Variants in NXPH1 observed in about 807,000 individuals in gnomAD.
NXPH1 encodes the protein neurexophilin 1, also known as neurexophilin-1.
In NXPH1, 5 loss-of-function variants were observed where a neutral mutation model predicts 23.7. The observed-to-expected ratio is 0.21, with a 90% CI of 0.11 to 0.44. The LOEUF (loss-of-function observed/expected upper bound fraction) is 0.44. Among genes scored for constraint, NXPH1 ranks in the 20% least tolerant of loss-of-function variants. The probability of loss-of-function intolerance (pLI) is 0.99; values close to 1 mark genes in which losing one functional copy is unlikely to be tolerated. For synonymous variants in NXPH1, 144 were observed against 122.2 expected, an observed-to-expected ratio of 1.18 and a Z score of -1.18; for missense variants, 324 against 321.6, an observed-to-expected ratio of 1.01 and a Z score of -0.06.
chr7:8,657,005 C>T (rs550182756), intron 2 of NXPH1, among the ~76,000 whole-genome samples: 16 of 152,224 alleles, frequency 1.1e-4, no homozygotes, highest in Non-Finnish European at 1.8e-4. Flanking sequence ...GAGTAAGATT[C>T]GAGTTTCCAC....
intron 2 of NXPH1, among the ~76,000 whole-genome samples, chr7:8,730,496 G>C (rs1780132777): frequency 6.6e-6 from 1 of 152,032 alleles, no homozygotes; most frequent in Non-Finnish European, 1.5e-5. Context: ...TCCTTTCCAT[G>C]TTTAGCACTT....
intron 2 of NXPH1, among the ~76,000 whole-genome samples, chr7:8,489,548 C>G (rs142978394): frequency 6.6e-6 from 1 of 152,040 alleles, no homozygotes; most frequent in Non-Finnish European, 1.5e-5. Flanking sequence ...TACTATTAAA[C>G]GGTTGATTCA....
At position 8,465,843 on chromosome 7, in the gene NXPH1, G is replaced by C. The variant is rs868121676; in HGVS notation, c.54+30076G>C. On this transcript the variant is annotated intron_variant, in intron 2 of 2. Coordinates refer to ENST00000405863, the MANE Select transcript of NXPH1 (RefSeq NM_152745.3). ...TTACAGTAGCCCCCTGAACAGAAGT[G>C]ATGGTGTTGGCATGCTACTAACTAA... Among the ~76,000 whole-genome samples the C allele has an allele frequency of 2.0e-5, 3 of 152,336 alleles. No individual in the cohort carries two copies. In the South Asian group the frequency reaches 6.2e-4, roughly 32 times the overall value.
intron 2 of NXPH1, among the ~76,000 whole-genome samples, chr7:8,627,127 C>T (rs964684826): frequency 6.6e-6 from 1 of 152,092 alleles, no homozygotes; most frequent in Admixed American, 6.6e-5. Context: ...GGCTAATATA[C>T]ATTTAAGTGA....
At chr7:8,437,940 T>A (rs1816224044) in intron 2 of NXPH1, among the ~76,000 whole-genome samples, 1 of 152,242 alleles carries the variant, frequency 6.6e-6, no homozygotes, top group African/African-American at 2.4e-5. Flanking sequence ...CGTTCTTTTT[T>A]CTCCAATCTA....
chr7:8,743,234 T>A (rs2115229149), intron 2 of NXPH1, among the ~76,000 whole-genome samples: 1 of 152,318 alleles, frequency 6.6e-6, no homozygotes, highest in African/African-American at 2.4e-5. Context: ...GAAATAAATA[T>A]AAATTTTTCA....
At chr7:8,527,807 A>G (rs377063270) in intron 2 of NXPH1, among the ~76,000 whole-genome samples, 6 of 152,224 alleles carry the variant, frequency 3.9e-5, no homozygotes, top group African/African-American at 9.6e-5. Flanking sequence ...GTAATTCAAC[A>G]TGGCAAAAGG....
intron 2 of NXPH1, among the ~76,000 whole-genome samples, chr7:8,613,168 A>G (rs1583192730): frequency 6.6e-6 from 1 of 151,802 alleles, no homozygotes; most frequent in South Asian, 2.1e-4. Context: ...TTTTTTTTCA[A>G]TCATTATCTC....
intron 2 of NXPH1, among the ~76,000 whole-genome samples, chr7:8,507,059 A>G (rs1817538592): frequency 6.7e-6 from 1 of 149,778 alleles, no homozygotes; most frequent in Non-Finnish European, 1.5e-5. Context: ...CCAAATGGGA[A>G]GCTATGCAAC....
rs144105805 is a variant in NXPH1 at position 8,620,520 on chromosome 7, T to C, written c.55-130488T>C. 3.2e-3 allele frequency among the ~76,000 whole-genome samples: 494 copies of C among 152,286 alleles called. 6 individuals are homozygous for C. Among genetic ancestry groups the C allele is most frequent in the African/African-American group, 0.011 (470 of 41,564 alleles). The stretch of plus-strand genomic sequence containing the variant: ...TGACTTTTGGGCAAAAGAATATTGC[T>C]ACTGTTCTGTAACAGACTCTGGAAG... On this transcript the variant is annotated intron_variant, in intron 2 of 2. Transcript: ENST00000405863.
chr7:8,503,015 G>A (rs1277407545), intron 2 of NXPH1, among the ~76,000 whole-genome samples: 2 of 151,978 alleles, frequency 1.3e-5, no homozygotes, highest in Non-Finnish European at 2.9e-5. Flanking sequence ...TGAGTGCAGT[G>A]TCTTGGAACT....
intron 2 of NXPH1, among the ~76,000 whole-genome samples, chr7:8,705,686 G>A (rs151153512): frequency 0.019 from 2,900 of 152,248 alleles, 48 homozygotes; most frequent in South Asian, 0.03. Flanking sequence ...TGGACGTGGT[G>A]CACAGTAATT....
chr7:8,520,475 A>G (rs545635493), intron 2 of NXPH1, among the ~76,000 whole-genome samples: 1 of 152,292 alleles, frequency 6.6e-6, no homozygotes, highest in African/African-American at 2.4e-5. Context: ...GGTAAATGGG[A>G]ACTCTTTAAA....
At chr7:8,728,876 C>T (rs1435635812) in intron 2 of NXPH1, among the ~76,000 whole-genome samples, 1 of 151,986 alleles carries the variant, frequency 6.6e-6, no homozygotes, top group Non-Finnish European at 1.5e-5. Flanking sequence ...GGAGGATTCC[C>T]TCTTTTTCTA....
chr7:8,435,829 G>C lies in NXPH1; in HGVS notation c.54+62G>C. 1.2e-5 allele frequency: 18 copies of C among 1,472,110 alleles called. No individual in the cohort carries two copies. Among genetic ancestry groups the C allele is most frequent in the Non-Finnish European group, 1.7e-5 (18 of 1,051,336 alleles). 91.2% of individuals were successfully genotyped at this position (1,472,110 alleles called of 1,614,324 possible). A position where few individuals can be genotyped will look rare whatever the true frequency, so the allele number is the denominator to read the frequency against. On this transcript the variant is annotated intron_variant, in intron 2 of 2. Transcript: ENST00000405863. This position sits in a 1 kb window ranked among gnomAD's most constrained non-coding sequence, Gnocchi z 5.9. ...CCCCGGCCGGGAGGCAAGGAAACTG[G>C]GGACACGCGGGAGAAGGGTTACGCC...
At chr7:8,652,901 C>T (rs1820511583) in intron 2 of NXPH1, among the ~76,000 whole-genome samples, 1 of 152,020 alleles carries the variant, frequency 6.6e-6, no homozygotes, top group African/African-American at 2.4e-5. Context: ...AGAACAAGTA[C>T]AATATTCTTT....
intron 2 of NXPH1, among the ~76,000 whole-genome samples, chr7:8,664,906 G>T (rs1820736249): frequency 6.6e-6 from 1 of 151,858 alleles, no homozygotes; most frequent in Admixed American, 6.6e-5. Flanking sequence ...TTGAGTTCTT[G>T]TATATTTTGT....
At chr7:8,450,349 C>G (rs1024555080) in intron 2 of NXPH1, among the ~76,000 whole-genome samples, 29 of 152,196 alleles carry the variant, frequency 1.9e-4, no homozygotes, top group African/African-American at 7.0e-4. Flanking sequence ...AATATTTGCA[C>G]AATTATACAA....
chr7:8,614,145 G>T (rs1253883748), intron 2 of NXPH1, among the ~76,000 whole-genome samples: 1 of 151,768 alleles, frequency 6.6e-6, no homozygotes, highest in Non-Finnish European at 1.5e-5. Flanking sequence ...TATTTCCGTG[G>T]ATGTGCCATA....
Sources: allele counts gnomAD v4.1 joint callset (sites outside exome capture counted in the v4.1 genomes callset), GRCh38; gene constraint gnomAD v4.1.1; non-coding constraint Gnocchi (gnomAD v3.1); transcripts MANE v1.5; gene names NCBI Gene and HGNC (gene_info 2026-07-23, HGNC 2026-07-21).